Variants in MROH9 observed in about 807,000 individuals in gnomAD.
The protein encoded by MROH9 is maestro heat-like repeat-containing protein family member 9.
In MROH9, 92 loss-of-function variants were observed where a neutral mutation model predicts 98.2. That is an observed-to-expected ratio of 0.94 (90% CI 0.79 to 1.11). The LOEUF is 1.11. Ranked by LOEUF, MROH9 falls within the 50% of genes most tolerant of loss-of-function variation. The pLI is 0.00. For synonymous variants in MROH9, 397 were observed against 368.9 expected (o/e 1.08, Z -0.87); for missense variants, 1,057 against 1,014.8 (o/e 1.04, Z -0.57).
intron 15 of MROH9, chr1:170,998,712 A>G: frequency 1.9e-6 from 2 of 1,030,046 alleles, no homozygotes; most frequent in Non-Finnish European, 2.3e-6. Context: ...ATTACTTTGT[A>G]TATCAATATT....
At position 171,049,319 on chromosome 1, in the gene MROH9, C is replaced by T. The variant is rs142932589; in HGVS notation, c.2282-12813C>T. Among the ~76,000 whole-genome samples the T allele has an allele frequency of 9.2e-5, 14 of 152,282 alleles. No individual in the cohort carries two copies. In the East Asian group the frequency reaches 2.7e-3, roughly 29 times the overall value. The stretch of plus-strand genomic sequence containing the variant: ...TGAATCACTGACTCCACTACCCCCA[C>T]CCCCAGCCCCAGTGGCAGCAGTATG... On this transcript the variant is annotated intron_variant, in intron 20 of 21. Coordinates refer to ENST00000367759, the MANE Select transcript of MROH9 (RefSeq NM_001163629.2).
At chr1:170,957,016 C>CTCT (rs1553210493) in intron 3 of MROH9, among the ~76,000 whole-genome samples, 2 of 139,228 alleles carry the variant, frequency 1.4e-5, no homozygotes, top group Non-Finnish European at 1.5e-5. Flanking sequence ...GGATTATCTG[C>CTCT]TTTTTTTTTT....
chr1:171,021,453 C>A (rs1652516577), intron 17 of MROH9, among the ~76,000 whole-genome samples: 1 of 151,488 alleles, frequency 6.6e-6, no homozygotes, highest in Non-Finnish European at 1.5e-5. Flanking sequence ...AGAAATAACA[C>A]CACACTTCTA....
intron 1 of MROH9, among the ~76,000 whole-genome samples, chr1:170,941,824 G>A (rs2101864782): frequency 6.6e-6 from 1 of 152,310 alleles, no homozygotes; most frequent in South Asian, 2.1e-4. Flanking sequence ...CTCCCGGCGT[G>A]AGGGACTAGG....
intron 5 of MROH9, 66 bp from the exon 6 acceptor site, chr1:170,961,824 A>G (rs1650026286): frequency 2.7e-6 from 2 of 735,844 alleles, no homozygotes; most frequent in African/African-American, 3.8e-5. Flanking sequence ...AGCAAGAAAA[A>G]AACTGTAGAC....
rs116730264 is a variant in MROH9, at chr1:171,063,857, T to C, written c.2345-242T>C. ...AGAATGCTCAGCACATAAAAGGTCCTTGGTAATTTTTAGTGAATATTCCCA... is the reference window on the plus strand; with the variant it reads ...AGAATGCTCAGCACATAAAAGGTCCCTGGTAATTTTTAGTGAATATTCCCA... On this transcript the variant is annotated intron_variant, in intron 21 of 21. Transcript: ENST00000367759. 5.1e-3 allele frequency among the ~76,000 whole-genome samples: 772 copies of C among 152,338 alleles called. 12 individuals carry two copies. The highest frequency in any genetic ancestry group is 0.018 in the African/African-American group (732 of 41,564).
intron 1 of MROH9, among the ~76,000 whole-genome samples, chr1:170,940,792 A>G (rs1649090855): frequency 6.6e-6 from 1 of 152,180 alleles, no homozygotes; most frequent in South Asian, 2.1e-4. Context: ...TGATGATGGC[A>G]CTAACCTCTG....
chr1:170,952,448 T>C (rs1235239128), intron 3 of MROH9, among the ~76,000 whole-genome samples: 1 of 151,974 alleles, frequency 6.6e-6, no homozygotes, highest in Non-Finnish European at 1.5e-5. Flanking sequence ...ATGTCCTTTG[T>C]GGGGACATGG....
intron 11 of MROH9, among the ~76,000 whole-genome samples, chr1:170,991,325 C>T (rs750440800): frequency 1.1e-4 from 16 of 152,102 alleles, no homozygotes; most frequent in South Asian, 1.0e-3. Flanking sequence ...CAAGGAGACA[C>T]GGCATATGAG....
At chr1:170,940,130 GC>G (rs1243396195) in intron 1 of MROH9, among the ~76,000 whole-genome samples, 2 of 152,168 alleles carry the variant, frequency 1.3e-5, no homozygotes, top group African/African-American at 4.8e-5. Context: ...ATCTGTAGGG[GC>G]CCATTGGGCA....
intron 1 of MROH9, among the ~76,000 whole-genome samples, chr1:170,938,283 T>C (rs542278604): frequency 1.3e-5 from 2 of 152,202 alleles, no homozygotes; most frequent in Non-Finnish European, 2.9e-5. Flanking sequence ...CAGAGCATAA[T>C]GCCACAAGAA....
intron 8 of MROH9, among the ~76,000 whole-genome samples, chr1:170,975,819 A>T (rs28770845): frequency 0.29 from 43,961 of 152,042 alleles, 6,463 homozygotes; most frequent in South Asian, 0.43. Context: ...TTGCTGTATG[A>T]ATCTGGGTGC....
At chr1:170,953,530 T>C (rs893490628) in intron 3 of MROH9, among the ~76,000 whole-genome samples, 3 of 152,104 alleles carry the variant, frequency 2.0e-5, no homozygotes, top group Non-Finnish European at 4.4e-5. Flanking sequence ...TAAATTCATC[T>C]AGTTGTATTA....
intron 20 of MROH9, among the ~76,000 whole-genome samples, chr1:171,054,417 C>A (rs981287161): frequency 6.6e-5 from 10 of 152,044 alleles, no homozygotes; most frequent in African/African-American, 1.9e-4. Flanking sequence ...AGACCTGAAA[C>A]CATAAAAATT....
intron 12 of MROH9, among the ~76,000 whole-genome samples, chr1:170,992,780 A>C (rs1178820657): frequency 6.6e-6 from 1 of 152,180 alleles, no homozygotes; most frequent in Non-Finnish European, 1.5e-5. Flanking sequence ...TATGTCAGCG[A>C]ATACAAGGAA....
intron 20 of MROH9, among the ~76,000 whole-genome samples, chr1:171,047,470 G>A (rs1043346619): frequency 1.3e-5 from 2 of 152,074 alleles, no homozygotes; most frequent in East Asian, 3.9e-4. Flanking sequence ...TATGCTTATT[G>A]CATTTTTCAG....
At position 170,971,752 on chromosome 1, in the gene MROH9, G is replaced by A. The variant is rs1298177082; in HGVS notation, c.485G>A (p.Ser162Asn). 2 of 1,614,010 alleles carry A rather than the reference G, an allele frequency of 1.2e-6. No homozygotes were observed. Among genetic ancestry groups the A allele is most frequent in the Non-Finnish European group, 1.7e-6 (2 of 1,179,914 alleles). The part of the protein sequence containing the change: ...FTVTKVRKYI[S>N]VDAPCLGLLA... ...TCTCCTTTGTTTCTCCATTAGATAAGTGTTGATGCTCCATGTTTGGGTCTC... is the reference window on the plus strand; with the variant it reads ...TCTCCTTTGTTTCTCCATTAGATAAATGTTGATGCTCCATGTTTGGGTCTC... The change falls in exon 8 of 22, where the codon AGT becomes AAT. Residue 162 changes from serine (S) to asparagine (N), a missense_variant. Ser to Asn is a conservative substitution (Grantham distance 46). Coordinates refer to ENST00000367759, the MANE Select transcript of MROH9 (RefSeq NM_001163629.2).
At chr1:171,016,083 G>C in intron 16 of MROH9, 80 bp from the exon 17 acceptor site, 1 of 1,009,456 alleles carries the variant, frequency 9.9e-7, no homozygotes, top group East Asian at 3.2e-5. Context: ...GTGCCGCCCA[G>C]ACTCAAGGTA....
intron 1 of MROH9, among the ~76,000 whole-genome samples, chr1:170,939,568 T>C (rs905958833): frequency 6.6e-6 from 1 of 152,138 alleles, no homozygotes; most frequent in Admixed American, 6.5e-5. Flanking sequence ...GGCAGTGTAG[T>C]AGGAGGAAGG....
Sources: allele counts gnomAD v4.1 joint callset (sites outside exome capture counted in the v4.1 genomes callset), GRCh38; gene constraint gnomAD v4.1.1; transcripts MANE v1.5; gene names NCBI Gene and HGNC (gene_info 2026-07-23, HGNC 2026-07-21).